RSRC1: variants seen among roughly 807,000 people sequenced by gnomAD.
RSRC1 encodes the protein arginine and serine rich coiled-coil 1.
A neutral mutation model predicts 49.1 loss-of-function variants in RSRC1; 39 were observed. The ratio of observed to expected loss-of-function variants is 0.79; its 90% CI spans 0.61 to 1.04. RSRC1 has a LOEUF of 1.04. RSRC1 is among the 50% of genes least tolerant of loss of function. The pLI, the probability that RSRC1 is intolerant of heterozygous loss-of-function variation, is 0.00. For synonymous variants in RSRC1, 143 were observed against 130.8 expected, an observed-to-expected ratio of 1.09 and a Z score of -0.63; for missense variants, 388 against 402.4, an observed-to-expected ratio of 0.96 and a Z score of 0.31.
Position 158,224,966 on chromosome 3 carries a change from G to T in RSRC1, c.494+21721G>T, listed in dbSNP as rs74352872. 1.2e-3 allele frequency among the ~76,000 whole-genome samples: 175 copies of T among 151,980 alleles called. No individual in the cohort carries two copies. The East Asian group carries it at 0.032, about 28-fold the overall frequency. On this transcript the variant is annotated intron_variant, in intron 4 of 9. Transcript: ENST00000611884. ...GGCTAAGTAAATGCCTATAAATATT[G>T]TGATAGTAGAAATACGGTATATTCA...
intron 6 of RSRC1, among the ~76,000 whole-genome samples, chr3:158,454,983 C>T (rs1737235634): frequency 6.6e-6 from 1 of 152,140 alleles, no homozygotes; most frequent in South Asian, 2.1e-4. Context: ...TTGTCAAACA[C>T]TGCCTGCACC....
At chr3:158,360,140 C>T (rs1731387294) in intron 6 of RSRC1, among the ~76,000 whole-genome samples, 1 of 152,048 alleles carries the variant, frequency 6.6e-6, no homozygotes, top group Non-Finnish European at 1.5e-5. Context: ...GTCTGCAGCT[C>T]TCAGCAGAGA....
intron 3 of RSRC1, among the ~76,000 whole-genome samples, chr3:158,187,812 G>A (rs1219526211): frequency 1.3e-5 from 2 of 151,854 alleles, no homozygotes; most frequent in African/African-American, 4.8e-5. Context: ...TGTTGCTGGT[G>A]GATATATTTG....
At chr3:158,229,962 C>T (rs1389701968) in intron 4 of RSRC1, among the ~76,000 whole-genome samples, 1 of 152,020 alleles carries the variant, frequency 6.6e-6, no homozygotes, top group Non-Finnish European at 1.5e-5. Flanking sequence ...GTCCAGCAGT[C>T]CATGGTCCCA....
At chr3:158,424,944 A>G (rs1735317778) in intron 6 of RSRC1, among the ~76,000 whole-genome samples, 1 of 150,564 alleles carries the variant, frequency 6.6e-6, no homozygotes, top group Admixed American at 6.6e-5. Flanking sequence ...ATCATTTTTT[A>G]TTGCGTCTAT....
chr3:158,289,843 A>C (rs1726810449), intron 4 of RSRC1, among the ~76,000 whole-genome samples: 1 of 152,198 alleles, frequency 6.6e-6, no homozygotes, highest in Non-Finnish European at 1.5e-5. Flanking sequence ...TTGCAAATAG[A>C]ACATAAGAAT....
chr3:158,482,988 T>TGAA (rs1285955918), intron 7 of RSRC1, among the ~76,000 whole-genome samples: 1 of 151,956 alleles, frequency 6.6e-6, no homozygotes, highest in African/African-American at 2.4e-5. Flanking sequence ...TGAATACAAA[T>TGAA]GGAGGACAAA....
chr3:158,356,608 T>A (rs1301808931), intron 6 of RSRC1, among the ~76,000 whole-genome samples: 1 of 152,128 alleles, frequency 6.6e-6, no homozygotes, highest in Non-Finnish European at 1.5e-5. Context: ...TTTAATATTT[T>A]CACTCAAATA....
intron 7 of RSRC1, among the ~76,000 whole-genome samples, chr3:158,474,257 T>G (rs1335775020): frequency 2.0e-5 from 3 of 152,178 alleles, no homozygotes; most frequent in African/African-American, 7.2e-5. Context: ...TCACACTAAT[T>G]TTTTTGTTTC....
chr3:158,130,590 A>G (rs1045662446), intron 3 of RSRC1, among the ~76,000 whole-genome samples: 1 of 152,194 alleles, frequency 6.6e-6, no homozygotes, highest in African/African-American at 2.4e-5. Flanking sequence ...TATACCTTAT[A>G]CATGTAGCCT....
chr3:158,202,564 A>T (rs2950065), intron 3 of RSRC1, among the ~76,000 whole-genome samples: 783 of 34,628 alleles, frequency 0.023, 23 homozygotes, highest in Middle Eastern at 0.042. Flanking sequence ...CTGGTAGATT[A>T]TATATATATA....
intron 6 of RSRC1, among the ~76,000 whole-genome samples, chr3:158,433,468 T>TA: frequency 6.6e-6 from 1 of 152,022 alleles, no homozygotes; most frequent in Middle Eastern, 3.4e-3. Flanking sequence ...TGCAAAAGGA[T>TA]ATATTTCGTT....
chr3:158,182,186 G>A (rs912716269), intron 3 of RSRC1, among the ~76,000 whole-genome samples: 1 of 152,104 alleles, frequency 6.6e-6, no homozygotes, highest in African/African-American at 2.4e-5. Flanking sequence ...GGGAATCTTA[G>A]ATGTCTGGGG....
At chr3:158,412,809 G>A (rs1018748433) in intron 6 of RSRC1, among the ~76,000 whole-genome samples, 8 of 151,862 alleles carry the variant, frequency 5.3e-5, no homozygotes, top group East Asian at 3.9e-4. Flanking sequence ...AAAAAGTTTC[G>A]CTCTGATTTT....
intron 6 of RSRC1, among the ~76,000 whole-genome samples, chr3:158,386,783 A>T (rs556478385): frequency 1.3e-5 from 2 of 151,880 alleles, no homozygotes; most frequent in South Asian, 2.1e-4. Flanking sequence ...GGTGAGCAGC[A>T]TGCATGTTCA....
chr3:158,397,482 G>A (rs575224848), intron 6 of RSRC1, among the ~76,000 whole-genome samples: 1 of 152,246 alleles, frequency 6.6e-6, no homozygotes, highest in African/African-American at 2.4e-5. Flanking sequence ...TATTTTGCCA[G>A]TGACTTAGCA....
At chr3:158,406,854 T>A (rs1734182437) in intron 6 of RSRC1, among the ~76,000 whole-genome samples, 2 of 152,128 alleles carry the variant, frequency 1.3e-5, no homozygotes, top group Admixed American at 1.3e-4. Context: ...AATGATTTCC[T>A]TTCAGCAGTG....
chr3:158,354,044 C>T (rs1359426816), intron 5 of RSRC1, among the ~76,000 whole-genome samples: 2 of 126,912 alleles, frequency 1.6e-5, no homozygotes, highest in African/African-American at 6.1e-5. Flanking sequence ...TATTGCCAGG[C>T]TGGATACAGT....
rs759380304 is a variant in RSRC1 at position 158,537,084 on chromosome 3, T to G, written c.653-8T>G. 1 of 1,600,030 alleles carries G rather than the reference T, an allele frequency of 6.2e-7. No individual in the cohort carries two copies. On this transcript the variant is annotated splice_polypyrimidine_tract_variant and splice_region_variant and intron_variant, in intron 7 of 9. Transcript: ENST00000611884. ...CAAAATACGCTGACATTATACCCTC[T>G]TTTTCAGACCAAGCCACCCTGGTAG... is the stretch of plus-strand genomic sequence containing the variant.
Sources: gnomAD v4.1 joint callset for allele counts (sites outside exome capture counted in the v4.1 genomes callset) on GRCh38, gnomAD v4.1.1 for gene constraint, MANE v1.5 for transcripts, NCBI Gene and HGNC (gene_info 2026-07-23, HGNC 2026-07-21) for gene names.